ACER1: variants seen among roughly 807,000 people sequenced by gnomAD.
The protein encoded by ACER1 is CTB-180A7.3.
In ACER1, 28 loss-of-function variants were observed where a neutral mutation model predicts 24.9. The observed-to-expected ratio is 1.13, with a 90% CI of 0.83 to 1.54. The LOEUF is 1.54. Ranked by LOEUF, ACER1 falls within the 40% of genes most tolerant of loss-of-function variation. The pLI is 0.00. For missense variants in ACER1, 352 were observed against 349.3 expected, an observed-to-expected ratio of 1.01 and a Z score of -0.06; for synonymous variants, 132 against 131.4, an observed-to-expected ratio of 1.00 and a Z score of -0.03.
chr19:6,339,237 A>G, the ACER1 span, among the ~76,000 whole-genome samples: 6 of 152,166 alleles, frequency 3.9e-5, no homozygotes, highest in African/African-American at 1.4e-4. Context: ...GAATGGATAA[A>G]CACAATGTGT....
At chr19:6,309,918 G>A in intron 3 of ACER1, 84 bp from the exon 4 acceptor site, 1 of 1,552,484 alleles carries the variant, frequency 6.4e-7, no homozygotes, top group Non-Finnish European at 8.8e-7. Context: ...CGTGGCCCAG[G>A]TGGGTGAGAA....
the ACER1 span, among the ~76,000 whole-genome samples, chr19:6,345,630 T>C: frequency 6.6e-6 from 1 of 150,576 alleles, no homozygotes; most frequent in Non-Finnish European, 1.5e-5. Context: ...AGTGGTACGA[T>C]CTCAGCTCAC....
intron 1 of ACER1, among the ~76,000 whole-genome samples, chr19:6,317,515 C>G (rs1219056384): frequency 6.6e-6 from 1 of 152,198 alleles, no homozygotes; most frequent in Non-Finnish European, 1.5e-5. Flanking sequence ...CACACATACT[C>G]CCAAACAAAC....
upstream of ACER1, among the ~76,000 whole-genome samples, chr19:6,334,087 C>T (rs1487610371): frequency 6.6e-6 from 1 of 151,770 alleles, no homozygotes; most frequent in East Asian, 1.9e-4. Context: ...CTCTGTTGCC[C>T]AGGCTGGAGT....
At chr19:6,335,906 C>CTTTTCTTTTTTTTTTTTTT (rs1555717055), upstream of ACER1, among the ~76,000 whole-genome samples, 6 of 141,552 alleles carry the variant, frequency 4.2e-5, no homozygotes, top group African/African-American at 1.6e-4. Flanking sequence ...TTTTTCTTTT[C>CTTTTCTTTTTTTTTTTTTT]TTTTTTTTTT....
chr19:6,337,175 CAA>C (rs56792886), upstream of ACER1, among the ~76,000 whole-genome samples: 25 of 119,786 alleles, frequency 2.1e-4, no homozygotes, highest in African/African-American at 2.8e-4. Context: ...GACTCCCTCT[CAA>C]AAAAAAAAAA....
the ACER1 span, among the ~76,000 whole-genome samples, chr19:6,350,935 T>A: frequency 3.6e-4 from 55 of 152,190 alleles, no homozygotes; most frequent in Admixed American, 9.2e-4. Flanking sequence ...TGTGTCAGAA[T>A]CACCCTACCA....
chr19:6,329,380 G>GAATAGAATAGAATAGAATAGAATAC (rs1568313311), intron 1 of ACER1, among the ~76,000 whole-genome samples: 17 of 151,640 alleles, frequency 1.1e-4, no homozygotes, highest in African/African-American at 3.4e-4. Flanking sequence ...GAATAGAATA[G>GAATAGAATAGAATAGAATAGAATAC]AATAGAATAG....
intron 1 of ACER1, among the ~76,000 whole-genome samples, chr19:6,320,452 A>G (rs2091624468): frequency 6.6e-6 from 1 of 152,014 alleles, no homozygotes; most frequent in South Asian, 2.1e-4. Context: ...AGCTGGGACT[A>G]CAGGTGTGTG....
upstream of ACER1, among the ~76,000 whole-genome samples, chr19:6,337,850 T>C (rs148741738): frequency 5.0e-3 from 751 of 151,044 alleles, 5 homozygotes; most frequent in African/African-American, 0.017. Flanking sequence ...CTAATTTTTT[T>C]GTATTTTTAG....
At chr19:6,353,944 G>A in the ACER1 span, among the ~76,000 whole-genome samples, 1 of 151,966 alleles carries the variant, frequency 6.6e-6, no homozygotes, top group African/African-American at 2.4e-5. Flanking sequence ...CACTTTGGGA[G>A]GCCGAGGTGG....
chr19:6,306,598 G>T lies in ACER1; in HGVS notation c.*116C>A. 1 of 1,273,056 alleles carries T rather than the reference G, an allele frequency of 7.9e-7. No homozygotes were observed. The highest frequency in any genetic ancestry group is 1.5e-5 in the South Asian group (1 of 67,134). The allele number at this position is 1,273,056 out of a possible 1,614,324, so 78.9% of individuals were successfully genotyped here. On this transcript the variant is annotated 3_prime_UTR_variant, in exon 6 of 6. Transcript: ENST00000301452. ...AGCGCAGGACAAGGAGGACACGGAAGGGGAAACAGAGGAAGGAACCACGAG... is the reference window on the plus strand; with the variant it reads ...AGCGCAGGACAAGGAGGACACGGAATGGGAAACAGAGGAAGGAACCACGAG...
chr19:6,315,640 A>G (rs1414532687), intron 1 of ACER1, among the ~76,000 whole-genome samples: 1 of 152,030 alleles, frequency 6.6e-6, no homozygotes, highest in Non-Finnish European at 1.5e-5. Context: ...CGGCTTCCCA[A>G]AGTGCTGGGA....
chr19:6,333,215 T>C (rs999445483), intron 1 of ACER1, among the ~76,000 whole-genome samples: 2 of 151,992 alleles, frequency 1.3e-5, no homozygotes, highest in Non-Finnish European at 2.9e-5. Flanking sequence ...AGAGTTAGCT[T>C]AGGGAAGGCA....
At chr19:6,342,164 C>A in the ACER1 span, among the ~76,000 whole-genome samples, 70 of 151,644 alleles carry the variant, frequency 4.6e-4, no homozygotes, top group African/African-American at 1.7e-3. Flanking sequence ...GTGAAATTTG[C>A]ACATGGAATA....
intron 4 of ACER1, 131 bp downstream of exon 4, chr19:6,309,566 T>G (rs905807623): frequency 8.2e-7 from 1 of 1,217,554 alleles, no homozygotes; most frequent in South Asian, 1.4e-5. Flanking sequence ...GTCAGTCAGG[T>G]TCAAATCCTG....
intron 1 of ACER1, among the ~76,000 whole-genome samples, chr19:6,325,810 T>C (rs1043390409): frequency 3.8e-5 from 5 of 132,696 alleles, no homozygotes; most frequent in African/African-American, 5.8e-5. Context: ...CAGTGAGCTA[T>C]GATCACACCG....
intron 1 of ACER1, among the ~76,000 whole-genome samples, chr19:6,317,711 C>T (rs2091610366): frequency 6.6e-6 from 1 of 152,036 alleles, no homozygotes; most frequent in Admixed American, 6.6e-5. Context: ...CTCTCTCCAA[C>T]TTTTTTTGTT....
At chr19:6,343,329 G>C in the ACER1 span, among the ~76,000 whole-genome samples, 3 of 152,194 alleles carry the variant, frequency 2.0e-5, no homozygotes, top group African/African-American at 7.2e-5. Flanking sequence ...TGGGAATTTA[G>C]CAATCCAGGC....
Sources: allele counts gnomAD v4.1 joint callset (sites outside exome capture counted in the v4.1 genomes callset), GRCh38; gene constraint gnomAD v4.1.1; transcripts MANE v1.5; gene names NCBI Gene and HGNC (gene_info 2026-07-23, HGNC 2026-07-21).